Variants in TNNI3K observed in about 807,000 individuals in gnomAD.
TNNI3K encodes TNNI3 interacting kinase.
TNNI3K carries 140 observed loss-of-function variants against 114.5 expected under a neutral mutation model. That is an observed-to-expected ratio of 1.22 (90% CI 1.07 to 1.41). The LOEUF is 1.41. Ranked by LOEUF, TNNI3K falls within the 40% of genes most tolerant of loss-of-function variation. The pLI is 0.00. For missense variants in TNNI3K, 1,125 were observed against 1,007.6 expected (o/e 1.12, Z -1.58); for synonymous variants, 347 against 347.5 (o/e 1.00, Z 0.02).
chr1:74,480,260 T>G (rs1668416548), intron 21 of TNNI3K: 1 of 717,544 alleles, frequency 1.4e-6, no homozygotes, highest in African/African-American at 1.7e-5. Flanking sequence ...ACAGTTGGTC[T>G]CAGACAGCCT....
chr1:74,305,821 A>T (rs1395553883), intron 5 of TNNI3K, among the ~76,000 whole-genome samples: 2 of 152,212 alleles, frequency 1.3e-5, no homozygotes, highest in African/African-American at 4.8e-5. Context: ...TAATATATAA[A>T]ATACACATTT....
Position 74,514,822 on chromosome 1 carries a change from G to A in TNNI3K, c.2351+22556G>A, listed in dbSNP as rs1484172846. The stretch of plus-strand genomic sequence containing the variant: ...CCCAAAAAGATATGTTGAAGTCTCA[G>A]ACCCTGGTACCTCAAAATGTGACCC... On this transcript the variant is annotated intron_variant, in intron 23 of 24. Transcript: ENST00000326637. Among the ~76,000 whole-genome samples, 4 of 152,174 alleles carry A rather than the reference G, an allele frequency of 2.6e-5. No individual in the cohort carries two copies. The East Asian group carries it at 7.7e-4, about 29-fold the overall frequency.
chr1:74,543,942 A>C lies in TNNI3K; in HGVS notation c.2468A>C (p.His823Pro). 6.2e-7 allele frequency: 1 copy of C among 1,613,378 alleles called. No homozygotes were observed. The highest frequency in any genetic ancestry group is 8.5e-7 in the Non-Finnish European group (1 of 1,179,722). ...GATCCCATGAGCTCAATGCATTTTC[A>C]TTCTTGCCGAAATAGTAGCAGCTTT... ...VSDPMSSMHF[H>P]SCRNSSSFED... The change falls in exon 25 of 25, where the codon CAT (histidine) becomes CCT (proline). Residue 823 changes from histidine (H) to proline (P), a missense_variant. Transcript: ENST00000326637.
At chr1:74,424,778 T>C (rs986581318) in intron 17 of TNNI3K, among the ~76,000 whole-genome samples, 7 of 149,648 alleles carry the variant, frequency 4.7e-5, no homozygotes, top group African/African-American at 7.4e-5. Flanking sequence ...CTTTGAAGAG[T>C]CAAGATGTAA....
chr1:74,445,335 G>A (rs1322813665), intron 20 of TNNI3K, among the ~76,000 whole-genome samples: 3 of 140,380 alleles, frequency 2.1e-5, no homozygotes, highest in Non-Finnish European at 4.6e-5. Flanking sequence ...TCGTCATCTA[G>A]CATTAGGTAT....
intron 9 of TNNI3K, among the ~76,000 whole-genome samples, chr1:74,348,986 A>G (rs904319343): frequency 6.6e-6 from 1 of 152,034 alleles, no homozygotes; most frequent in Non-Finnish European, 1.5e-5. Flanking sequence ...AATGCCCTTT[A>G]TTTCCTTCTC....
chr1:74,369,178 G>GTTTA, intron 14 of TNNI3K, 29 bp from the exon 15 acceptor site: 2 of 1,603,144 alleles, frequency 1.2e-6, no homozygotes, highest in South Asian at 1.1e-5. Context: ...GTTAATATGT[G>GTTTA]TTTATTTATT....
intron 2 of TNNI3K, among the ~76,000 whole-genome samples, chr1:74,242,209 C>T (rs573553219): frequency 1.7e-4 from 26 of 152,158 alleles, no homozygotes; most frequent in African/African-American, 6.0e-4. Flanking sequence ...ACTTTTTTGG[C>T]ATTGAGTAGA....
intron 14 of TNNI3K, 39 bp from the exon 15 acceptor site, chr1:74,369,168 G>C: frequency 6.2e-7 from 1 of 1,602,170 alleles, no homozygotes. Flanking sequence ...ATGAGCTTAA[G>C]TTAATATGTG....
intron 17 of TNNI3K, among the ~76,000 whole-genome samples, chr1:74,412,579 G>A (rs1362885280): frequency 6.6e-6 from 1 of 152,042 alleles, no homozygotes; most frequent in Non-Finnish European, 1.5e-5. Flanking sequence ...ATGACATCAG[G>A]CCACATAATT....
At chr1:74,344,089 A>G (rs1368069305) in intron 9 of TNNI3K, among the ~76,000 whole-genome samples, 1 of 152,126 alleles carries the variant, frequency 6.6e-6, no homozygotes. Flanking sequence ...GAATAATAAA[A>G]ATGAGGAGAT....
At chr1:74,382,893 T>A (rs915556397) in intron 17 of TNNI3K, among the ~76,000 whole-genome samples, 1 of 152,144 alleles carries the variant, frequency 6.6e-6, no homozygotes, top group African/African-American at 2.4e-5. Flanking sequence ...TTAAATCTAT[T>A]CAGAGTTAAG....
At chr1:74,529,607 A>G (rs756198923) in intron 23 of TNNI3K, among the ~76,000 whole-genome samples, 3 of 152,200 alleles carry the variant, frequency 2.0e-5, no homozygotes, top group Non-Finnish European at 2.9e-5. Context: ...AAATGATTGT[A>G]TTTTGGTTAT....
At chr1:74,326,591 T>G (rs2100398453) in intron 5 of TNNI3K, among the ~76,000 whole-genome samples, 1 of 152,264 alleles carries the variant, frequency 6.6e-6, no homozygotes, top group African/African-American at 2.4e-5. Context: ...AGAGACAACT[T>G]TGGAACATAA....
In TNNI3K at chr1:74,436,145, A is replaced by C. The variant is rs45589143; in HGVS notation, c.1825+13A>C. On this transcript the variant is annotated intron_variant, in intron 18 of 24. Coordinates refer to ENST00000326637, the MANE Select transcript of TNNI3K (RefSeq NM_015978.3). Reference sequence around the variant, plus strand: ...GCAGATTTTGGAGGTGAGATACCCCAAAATGGCATCCTTTTTTTCTTTGTT... The same window carrying C: ...GCAGATTTTGGAGGTGAGATACCCCCAAATGGCATCCTTTTTTTCTTTGTT... 0.062 allele frequency: 99,489 copies of C among 1,611,208 alleles called. 3,885 individuals carry two copies. The highest frequency in any genetic ancestry group is 0.17 in the African/African-American group (12,926 of 74,314).
At chr1:74,312,466 A>C (rs1464245341) in intron 5 of TNNI3K, among the ~76,000 whole-genome samples, 1 of 152,248 alleles carries the variant, frequency 6.6e-6, no homozygotes, top group Non-Finnish European at 1.5e-5. Flanking sequence ...ACATAAGAAA[A>C]AGATAAACAG....
chr1:74,521,721 G>A (rs371352048), intron 23 of TNNI3K, among the ~76,000 whole-genome samples: 14 of 152,116 alleles, frequency 9.2e-5, no homozygotes, highest in African/African-American at 3.4e-4. Context: ...TCAGCAAAGC[G>A]TGATAAATTT....
intron 5 of TNNI3K, among the ~76,000 whole-genome samples, chr1:74,309,370 A>C (rs1658847565): frequency 6.9e-6 from 1 of 145,484 alleles, no homozygotes; most frequent in African/African-American, 2.5e-5. Context: ...CTGTCTCAAA[A>C]AAAAAAAAAA....
chr1:74,514,786 G>A (rs180723161), intron 23 of TNNI3K, among the ~76,000 whole-genome samples: 76 of 152,206 alleles, frequency 5.0e-4, no homozygotes, highest in African/African-American at 1.7e-3. Context: ...ATTGTGGGTT[G>A]AATTGTATCC....
Sources: allele counts gnomAD v4.1 joint callset (sites outside exome capture counted in the v4.1 genomes callset), GRCh38; gene constraint gnomAD v4.1.1; transcripts MANE v1.5; gene names NCBI Gene and HGNC (gene_info 2026-07-23, HGNC 2026-07-21).